Variants in P4HA1 observed in about 807,000 individuals in gnomAD.
P4HA1 encodes prolyl 4-hydroxylase subunit alpha 1, also known as prolyl 4-hydroxylase subunit alpha-1.
Under a neutral mutation model 72.8 loss-of-function variants are expected in P4HA1, and 24 were observed. The ratio of observed to expected loss-of-function variants is 0.33; its 90% CI spans 0.24 to 0.46. The LOEUF (loss-of-function observed/expected upper bound fraction) is 0.46. Among genes scored for constraint, P4HA1 ranks in the 20% least tolerant of loss-of-function variants. P4HA1 has a pLI of 1.00. For missense variants in P4HA1, 446 were observed against 640.6 expected, an observed-to-expected ratio of 0.70 and a Z score of 3.28; for synonymous variants, 201 against 218.8, an observed-to-expected ratio of 0.92 and a Z score of 0.72.
At chr10:73,078,813 C>T (rs1016241917) in intron 1 of P4HA1, among the ~76,000 whole-genome samples, 10 of 151,716 alleles carry the variant, frequency 6.6e-5, no homozygotes, top group Admixed American at 1.3e-4. Context: ...GGTTTTGCCA[C>T]ATTGGCCAGG....
intron 9 of P4HA1, among the ~76,000 whole-genome samples, chr10:73,033,402 T>G (rs1267540173): frequency 6.6e-6 from 1 of 152,190 alleles, no homozygotes; most frequent in Non-Finnish European, 1.5e-5. Flanking sequence ...TCATCGTCCT[T>G]CAGCCTTATA....
intron 9 of P4HA1, among the ~76,000 whole-genome samples, chr10:73,040,834 C>T (rs1014361795): frequency 6.6e-6 from 1 of 151,982 alleles, no homozygotes; most frequent in African/African-American, 2.4e-5. Flanking sequence ...TATTTACAAA[C>T]TTTATGACAA....
At chr10:73,012,774 C>T (rs1839933715) in intron 12 of P4HA1, among the ~76,000 whole-genome samples, 1 of 152,068 alleles carries the variant, frequency 6.6e-6, no homozygotes, top group Non-Finnish European at 1.5e-5. Context: ...ATTAAGTCTA[C>T]ATATAAAATA....
At chr10:73,063,748 G>A (rs1256794810) in intron 5 of P4HA1, among the ~76,000 whole-genome samples, 1 of 152,124 alleles carries the variant, frequency 6.6e-6, no homozygotes, top group Non-Finnish European at 1.5e-5. Flanking sequence ...AACATGCATG[G>A]CAGAGATAGT....
intron 9 of P4HA1, among the ~76,000 whole-genome samples, chr10:73,041,446 C>T (rs572286771): frequency 6.6e-5 from 10 of 150,588 alleles, no homozygotes; most frequent in Non-Finnish European, 1.3e-4. Flanking sequence ...GAGGCTGAGG[C>T]AGAAGAATGG....
At chr10:73,061,094 G>C (rs911412555) in intron 5 of P4HA1, among the ~76,000 whole-genome samples, 1 of 152,124 alleles carries the variant, frequency 6.6e-6, no homozygotes, top group Non-Finnish European at 1.5e-5. Flanking sequence ...GATCATCAAA[G>C]GCTGCCAAAA....
intron 9 of P4HA1, among the ~76,000 whole-genome samples, chr10:73,036,297 T>C (rs1840574891): frequency 1.3e-5 from 2 of 152,162 alleles, no homozygotes; most frequent in South Asian, 2.1e-4. Context: ...TTAATTGTAG[T>C]TCTGTTGTAG....
At position 73,096,752 on chromosome 10, in the gene P4HA1, A is replaced by G. The variant is rs1313842345; in HGVS notation, c.-33+14T>C. 6.5e-6 allele frequency: 1 copy of G among 153,304 alleles called. No homozygotes were observed. The highest frequency in any genetic ancestry group is 1.5e-5 in the Non-Finnish European group (1 of 68,180). 9.5% of individuals were successfully genotyped at this position (153,304 alleles called of 1,614,324 possible). ...CCAGTGGCCTCAGTCTCCGGGATCG[A>G]GGGAGCGTCTCACCTGGAAAGTGGG... is the stretch of plus-strand genomic sequence containing the variant. On this transcript the variant is annotated intron_variant, in intron 1 of 14. Transcript: ENST00000394890.
intron 12 of P4HA1, 54 bp from the exon 13 acceptor site, chr10:73,011,091 T>C: frequency 2.3e-6 from 3 of 1,301,302 alleles, no homozygotes; most frequent in Non-Finnish European, 2.2e-6. Context: ...AAGTAAAACA[T>C]GCCATTATAT....
At chr10:73,038,492 T>A (rs1013865673) in intron 9 of P4HA1, among the ~76,000 whole-genome samples, 8 of 152,240 alleles carry the variant, frequency 5.3e-5, no homozygotes, top group African/African-American at 9.6e-5. Flanking sequence ...TGAGTTCACT[T>A]AACTATCTTT....
chr10:73,015,344 G>A (rs12251674), intron 11 of P4HA1, among the ~76,000 whole-genome samples: 2 of 152,014 alleles, frequency 1.3e-5, no homozygotes, highest in African/African-American at 2.4e-5. Context: ...AATGTCCTTC[G>A]ATGGGTGAAT....
Position 73,044,964 on chromosome 10 carries a change from G to C in P4HA1, c.1148+17C>G, listed in dbSNP as rs562655130. 6.3e-7 allele frequency: 1 copy of C among 1,595,840 alleles called. No individual in the cohort carries two copies. The highest frequency in any genetic ancestry group is 2.2e-5 in the East Asian group (1 of 44,732). On this transcript the variant is annotated intron_variant, in intron 9 of 14. Coordinates refer to ENST00000394890, the MANE Select transcript of P4HA1 (RefSeq NM_001017962.3). ...CACTCATTAGAGGGCAAAATATGCA[G>C]CATACACATCTCTTACCTTTTGCTA...
chr10:73,063,100 T>C (rs1328458659), intron 5 of P4HA1, among the ~76,000 whole-genome samples: 2 of 152,156 alleles, frequency 1.3e-5, no homozygotes, highest in African/African-American at 2.4e-5. Context: ...CCTTCCACTC[T>C]AGGAAAGGAT....
intron 9 of P4HA1, chr10:73,044,035 A>G: frequency 2.9e-6 from 3 of 1,023,590 alleles, no homozygotes; most frequent in Non-Finnish European, 4.6e-6. Flanking sequence ...TGTTTTGCCA[A>G]GCCACAGGTG....
intron 7 of P4HA1, among the ~76,000 whole-genome samples, chr10:73,049,382 T>C: frequency 6.6e-6 from 1 of 152,228 alleles, no homozygotes; most frequent in East Asian, 1.9e-4. Context: ...AAAAATTCAC[T>C]AACTCCTTCT....
At chr10:73,094,125 A>C (rs1842112938) in intron 1 of P4HA1, among the ~76,000 whole-genome samples, 1 of 151,856 alleles carries the variant, frequency 6.6e-6, no homozygotes, top group East Asian at 1.9e-4. Flanking sequence ...AAGTTACCAT[A>C]TATAGGAGAG....
At chr10:73,090,577 G>T (rs370124727) in intron 1 of P4HA1, among the ~76,000 whole-genome samples, 1 of 152,024 alleles carries the variant, frequency 6.6e-6, no homozygotes, top group Non-Finnish European at 1.5e-5. Flanking sequence ...CAATAAAGTC[G>T]TTAAAATATA....
intron 9 of P4HA1, among the ~76,000 whole-genome samples, chr10:73,041,864 T>C (rs1225175629): frequency 6.6e-6 from 1 of 151,774 alleles, no homozygotes; most frequent in Admixed American, 6.6e-5. Context: ...AGACAGGATC[T>C]TACTCTGTCA....
chr10:73,026,841 GA>G (rs1320612476), intron 10 of P4HA1, among the ~76,000 whole-genome samples: 2 of 152,220 alleles, frequency 1.3e-5, no homozygotes, highest in African/African-American at 4.8e-5. Flanking sequence ...ACAGGCACAT[GA>G]AAAAATGCTC....
Sources: gnomAD v4.1 joint callset for allele counts (sites outside exome capture counted in the v4.1 genomes callset) on GRCh38, gnomAD v4.1.1 for gene constraint, MANE v1.5 for transcripts, NCBI Gene and HGNC (gene_info 2026-07-23, HGNC 2026-07-21) for gene names.